Variants in MELK observed in about 807,000 individuals in gnomAD.
MELK encodes maternal embryonic leucine zipper kinase, also known as pEg3 kinase.
In MELK, 81 loss-of-function variants were observed where a neutral mutation model predicts 85.0. The ratio of observed to expected loss-of-function variants is 0.95; its 90% CI spans 0.80 to 1.15. MELK has a LOEUF of 1.15. MELK is among the 50% of genes most tolerant of loss of function. The probability of loss-of-function intolerance (pLI) is 0.00; values close to 1 mark genes in which losing one functional copy is unlikely to be tolerated. For synonymous variants in MELK, 252 were observed against 265.0 expected (o/e 0.95, Z 0.48); for missense variants, 754 against 777.5 (o/e 0.97, Z 0.36).
chr9:36,617,979 AT>A (rs1347469974), intron 8 of MELK, among the ~76,000 whole-genome samples: 1 of 152,098 alleles, frequency 6.6e-6, no homozygotes, highest in Admixed American at 6.6e-5. Context: ...TAAAAAAAAA[AT>A]TAGCTGGGCA....
intron 7 of MELK, among the ~76,000 whole-genome samples, chr9:36,602,748 A>G (rs1825065529): frequency 6.6e-6 from 1 of 151,972 alleles, no homozygotes; most frequent in South Asian, 2.1e-4. Flanking sequence ...TAGTAGAGAC[A>G]GGATTTCTCC....
chr9:36,635,932 G>T (rs1359009521), intron 10 of MELK, among the ~76,000 whole-genome samples: 1 of 151,542 alleles, frequency 6.6e-6, no homozygotes, highest in Non-Finnish European at 1.5e-5. Context: ...GAGTAGCTGG[G>T]ACTACAGGCA....
intron 16 of MELK, 29 bp from the exon 17 acceptor site, chr9:36,674,805 C>T (rs374992536): frequency 2.9e-6 from 4 of 1,374,100 alleles, no homozygotes; most frequent in Non-Finnish European, 4.1e-6. Context: ...TAAAAATTTA[C>T]TTCTCATCTC....
chr9:36,672,429 C>T (rs540592488), intron 16 of MELK, among the ~76,000 whole-genome samples: 1 of 152,192 alleles, frequency 6.6e-6, no homozygotes, highest in African/African-American at 2.4e-5. Flanking sequence ...TAAGCAGTTA[C>T]CAAATACTAA....
At chr9:36,659,207 G>A (rs1831556198) in intron 13 of MELK, among the ~76,000 whole-genome samples, 1 of 151,868 alleles carries the variant, frequency 6.6e-6, no homozygotes, top group African/African-American at 2.4e-5. Flanking sequence ...GTAAAGATGG[G>A]GTTTCACCAT....
intron 8 of MELK, among the ~76,000 whole-genome samples, chr9:36,618,569 A>AT (rs917535166): frequency 6.6e-6 from 1 of 152,094 alleles, no homozygotes; most frequent in African/African-American, 2.4e-5. Context: ...CTAATTAGGT[A>AT]TTTTTTTAAC....
chr9:36,599,471 A>G lies in MELK; in HGVS notation c.552A>G (p.Ser184=), dbSNP rs775635246. The G allele has an allele frequency of 1.2e-6, 2 of 1,610,292 alleles. No individual in the cohort carries two copies. Among genetic ancestry groups the G allele is most frequent in the South Asian group, 1.1e-5 (1 of 91,004 alleles). Residue 184 remains serine (S), a synonymous_variant, in exon 7 of 18, where the codon TCA becomes TCG. Coordinates refer to ENST00000298048, the MANE Select transcript of MELK (RefSeq NM_014791.4). ...CACCTGAGTTAATACAAGGCAAATC[A>G]TATCTTGGATCAGAGGTAATTATTC... ...YAAPELIQGK[S]YLGSEADVWS...
chr9:36,613,165 C>G (rs1826218005), intron 8 of MELK, among the ~76,000 whole-genome samples: 1 of 152,214 alleles, frequency 6.6e-6, no homozygotes. Flanking sequence ...GTGTGCCTGC[C>G]TCAGGGCATT....
chr9:36,594,583 A>G, intron 4 of MELK, 45 bp from the exon 5 acceptor site: 2 of 1,581,362 alleles, frequency 1.3e-6, no homozygotes, highest in Non-Finnish European at 1.7e-6. Context: ...CTGTGAAGTG[A>G]TTTTTTAAGT....
chr9:36,667,511 A>AT (rs776484930), intron 14 of MELK, among the ~76,000 whole-genome samples: 33 of 151,790 alleles, frequency 2.2e-4, no homozygotes, highest in Non-Finnish European at 4.0e-4. Flanking sequence ...CATTATTGAC[A>AT]TTTTTTACTT....
intron 6 of MELK, among the ~76,000 whole-genome samples, chr9:36,598,322 G>A (rs1373124873): frequency 6.6e-6 from 1 of 152,048 alleles, no homozygotes; most frequent in Non-Finnish European, 1.5e-5. Context: ...ATTTATGGCT[G>A]CCACGGATTA....
intron 13 of MELK, among the ~76,000 whole-genome samples, chr9:36,658,803 G>A (rs1393493992): frequency 6.6e-6 from 1 of 151,714 alleles, no homozygotes; most frequent in Admixed American, 6.6e-5. Context: ...CCGGGTTCAA[G>A]CAATTCTCCT....
intron 8 of MELK, among the ~76,000 whole-genome samples, chr9:36,626,248 C>T (rs1456261626): frequency 2.0e-5 from 3 of 152,114 alleles, no homozygotes; most frequent in South Asian, 2.1e-4. Context: ...CGAAGGAATT[C>T]TTCTCAGGAC....
rs935616921 is a variant in MELK at position 36,655,438 on chromosome 9, A to G, written c.1054-1803A>G. On this transcript the variant is annotated intron_variant, in intron 12 of 17. Transcript: ENST00000298048. ...GTGGCTGGACTTGTGTTAAAAAAGAAGAGTTCAAGTAGGGGGAGAGAGAGA... is the reference window on the plus strand; with the variant it reads ...GTGGCTGGACTTGTGTTAAAAAAGAGGAGTTCAAGTAGGGGGAGAGAGAGA... Among the ~76,000 whole-genome samples, 22 of 136,546 alleles carry G rather than the reference A, an allele frequency of 1.6e-4. No homozygotes were observed. The Admixed American group carries it at 1.8e-3, about 11-fold the overall frequency. 89.6% of individuals were successfully genotyped at this position (136,546 alleles called of 152,430 possible). A position where few individuals can be genotyped will look rare whatever the true frequency, so the allele number is the denominator to read the frequency against.
intron 6 of MELK, among the ~76,000 whole-genome samples, chr9:36,598,125 C>T (rs1030478251): frequency 1.3e-5 from 2 of 151,692 alleles, no homozygotes; most frequent in African/African-American, 4.8e-5. Flanking sequence ...CTCTCCTTCC[C>T]TTGGCTCTTT....
intron 7 of MELK, 46 bp downstream of exon 7, chr9:36,599,532 T>C (rs1160721010): frequency 2.1e-6 from 3 of 1,450,632 alleles, no homozygotes; most frequent in Non-Finnish European, 1.9e-6. Flanking sequence ...CAGACATTTA[T>C]ATTGGTCACC....
rs1370917165 is a variant in MELK at position 36,594,784 on chromosome 9, A to G, written c.405+13A>G. 3 of 1,610,250 alleles carry G rather than the reference A, an allele frequency of 1.9e-6. No homozygotes were observed. The highest frequency in any genetic ancestry group is 1.7e-5 in the Admixed American group (1 of 59,336). ...GGACCTCAAGCCAGTAAGTGACTGC[A>G]TCACAGTTAGATGCTCACCTTCAGC... On this transcript the variant is annotated intron_variant, in intron 5 of 17. Transcript: ENST00000298048.
intron 14 of MELK, among the ~76,000 whole-genome samples, chr9:36,668,019 C>T (rs1265843970): frequency 6.6e-6 from 1 of 152,196 alleles, no homozygotes; most frequent in Non-Finnish European, 1.5e-5. Flanking sequence ...ATCCACCTGC[C>T]TCGGCCTCCC....
intron 7 of MELK, among the ~76,000 whole-genome samples, chr9:36,603,815 G>C (rs1825166592): frequency 1.3e-5 from 2 of 152,156 alleles, no homozygotes; most frequent in East Asian, 3.8e-4. Context: ...AAACAGCGAA[G>C]TAAAGGTACT....
Sources: allele counts gnomAD v4.1 joint callset (sites outside exome capture counted in the v4.1 genomes callset), GRCh38; gene constraint gnomAD v4.1.1; transcripts MANE v1.5; gene names NCBI Gene and HGNC (gene_info 2026-07-23, HGNC 2026-07-21).